RBFOX1: variants seen among roughly 807,000 people sequenced by gnomAD.
RBFOX1 encodes the protein RNA binding fox-1 homolog 1.
Under a neutral mutation model 57.7 loss-of-function variants are expected in RBFOX1, and 8 were observed. That is an observed-to-expected ratio of 0.14 (90% CI 0.08 to 0.25). RBFOX1 has a LOEUF of 0.25. Ranked by LOEUF, RBFOX1 falls within the 10% of genes least tolerant of loss-of-function variation. The pLI, the probability that RBFOX1 is intolerant of heterozygous loss-of-function variation, is 1.00. For synonymous variants in RBFOX1, 326 were observed against 222.4 expected (o/e 1.47, Z -4.15); for missense variants, 611 against 548.5 (o/e 1.11, Z -1.14).
At chr16:7,360,974 C>A (rs1301132602) in intron 4 of RBFOX1, among the ~76,000 whole-genome samples, 1 of 152,176 alleles carries the variant, frequency 6.6e-6, no homozygotes, top group Non-Finnish European at 1.5e-5. Flanking sequence ...CAACCTGAGT[C>A]CTCAGCCTCT....
At chr16:5,315,266 G>C (rs189558281) in intron 1 of RBFOX1, among the ~76,000 whole-genome samples, 96 of 152,282 alleles carry the variant, frequency 6.3e-4, no homozygotes, top group African/African-American at 2.0e-3. Context: ...GAGGCCGTCC[G>C]TCTGTCCAGG....
At chr16:5,473,515 A>G (rs1473769374) in intron 2 of RBFOX1, among the ~76,000 whole-genome samples, 1 of 152,050 alleles carries the variant, frequency 6.6e-6, no homozygotes, top group Non-Finnish European at 1.5e-5. Context: ...AGTAGAGAGT[A>G]GATAATGCAC....
At chr16:5,710,853 C>T (rs1200534786) in intron 3 of RBFOX1, among the ~76,000 whole-genome samples, 1 of 152,176 alleles carries the variant, frequency 6.6e-6, no homozygotes, top group Non-Finnish European at 1.5e-5. Context: ...CTCTGCAAGA[C>T]CTGGGGGAGC....
intron 4 of RBFOX1, among the ~76,000 whole-genome samples, chr16:7,322,190 G>C (rs537637337): frequency 4.3e-4 from 66 of 152,316 alleles, no homozygotes; most frequent in African/African-American, 1.6e-3. Context: ...CTCCTGTTCT[G>C]AGATGACTGC....
chr16:6,799,455 A>G (rs1051425766), intron 3 of RBFOX1, among the ~76,000 whole-genome samples: 1 of 152,186 alleles, frequency 6.6e-6, no homozygotes, highest in Non-Finnish European at 1.5e-5. Flanking sequence ...GAGTTCCCAG[A>G]GCCATTCATG....
intron 2 of RBFOX1, among the ~76,000 whole-genome samples, chr16:5,552,063 A>G (rs762999089): frequency 2.0e-5 from 3 of 152,186 alleles, no homozygotes; most frequent in Non-Finnish European, 2.9e-5. Context: ...AAGGATATGC[A>G]TAATAATGAA....
chr16:5,340,096 A>G (rs1461547129), intron 1 of RBFOX1, among the ~76,000 whole-genome samples: 1 of 152,222 alleles, frequency 6.6e-6, no homozygotes, highest in Non-Finnish European at 1.5e-5. Flanking sequence ...TTTATAATTC[A>G]TCCATTTCTT....
intron 1 of RBFOX1, among the ~76,000 whole-genome samples, chr16:5,430,156 G>C (rs1597031760): frequency 2.6e-5 from 4 of 152,164 alleles, no homozygotes; most frequent in Admixed American, 2.6e-4. Flanking sequence ...GCAGGAAAAA[G>C]TCCCTCTCTT....
At chr16:7,105,633 C>T (rs1346114470) in intron 4 of RBFOX1, among the ~76,000 whole-genome samples, 3 of 152,042 alleles carry the variant, frequency 2.0e-5, no homozygotes, top group African/African-American at 4.8e-5. Flanking sequence ...GCTGCGAATG[C>T]CATTGACCCA....
At chr16:6,716,739 C>G (rs753534797) in intron 3 of RBFOX1, among the ~76,000 whole-genome samples, 4 of 152,150 alleles carry the variant, frequency 2.6e-5, no homozygotes, top group Non-Finnish European at 4.4e-5. Context: ...CCAATTCTAT[C>G]CAGTTATACT....
intron 1 of RBFOX1, among the ~76,000 whole-genome samples, chr16:5,385,878 C>T (rs1329162000): frequency 2.6e-5 from 4 of 152,152 alleles, no homozygotes; most frequent in Admixed American, 6.5e-5. Context: ...TGATTGACCT[C>T]GTCTTTTGCT....
At chr16:6,039,546 A>T (rs1213053159) in intron 1 of RBFOX1, among the ~76,000 whole-genome samples, 1 of 151,906 alleles carries the variant, frequency 6.6e-6, no homozygotes, top group Non-Finnish European at 1.5e-5. Flanking sequence ...TTAAAGCAAA[A>T]CCTTTCATTG....
Position 5,313,287 on chromosome 16 carries a change from T to G in RBFOX1, c.219+73182T>G, listed in dbSNP as rs1202513236. Among the ~76,000 whole-genome samples the G allele has an allele frequency of 2.0e-5, 3 of 152,120 alleles. No individual in the cohort carries two copies. The East Asian group carries it at 5.8e-4, about 29-fold the overall frequency. ...AAGTCCTCTGGGAGGTCTCAAATCATGGCAGTTGATGAGGAGAGCAAGGAC... is the reference window on the plus strand; with the variant it reads ...AAGTCCTCTGGGAGGTCTCAAATCAGGGCAGTTGATGAGGAGAGCAAGGAC... On this transcript the variant is annotated intron_variant, in intron 1 of 2. Transcript: ENST00000585867.
chr16:6,760,933 C>T (rs1333246702), intron 3 of RBFOX1, among the ~76,000 whole-genome samples: 2 of 152,162 alleles, frequency 1.3e-5, no homozygotes, highest in African/African-American at 4.8e-5. Flanking sequence ...CAATGCCACC[C>T]ATCAGGATCG....
intron 1 of RBFOX1, among the ~76,000 whole-genome samples, chr16:6,058,334 C>T (rs921508402): frequency 1.4e-4 from 22 of 151,782 alleles, no homozygotes; most frequent in African/African-American, 5.3e-4. Flanking sequence ...TCCTTCCTCC[C>T]TCCTCTCCTT....
chr16:5,629,351 A>G (rs2048435777), intron 3 of RBFOX1, among the ~76,000 whole-genome samples: 1 of 152,190 alleles, frequency 6.6e-6, no homozygotes, highest in Non-Finnish European at 1.5e-5. Flanking sequence ...ACAAGAGCAG[A>G]CCCAGCTATA....
intron 3 of RBFOX1, among the ~76,000 whole-genome samples, chr16:6,735,482 T>C (rs2069955829): frequency 6.6e-6 from 1 of 152,240 alleles, no homozygotes; most frequent in South Asian, 2.1e-4. Flanking sequence ...CTTCAGAGTA[T>C]ACATATTTCA....
chr16:6,467,806 A>C (rs2095084257), intron 2 of RBFOX1, among the ~76,000 whole-genome samples: 1 of 152,220 alleles, frequency 6.6e-6, no homozygotes, highest in Non-Finnish European at 1.5e-5. Flanking sequence ...TTTGCAAAGC[A>C]GTAAATTATA....
chr16:6,772,944 A>G (rs1357685861), intron 3 of RBFOX1, among the ~76,000 whole-genome samples: 5 of 79,572 alleles, frequency 6.3e-5, no homozygotes, highest in East Asian at 4.2e-4. Flanking sequence ...GTGTGTGTGT[A>G]TCTATATATT....
Sources: gnomAD v4.1 joint callset for allele counts (sites outside exome capture counted in the v4.1 genomes callset) on GRCh38, gnomAD v4.1.1 for gene constraint, MANE v1.5 for transcripts, NCBI Gene and HGNC (gene_info 2026-07-23, HGNC 2026-07-21) for gene names.